The following RBFOX1 variants were observed in gnomAD, a reference collection of about 807,000 sequenced individuals.
The protein encoded by RBFOX1 is RNA binding protein fox-1 homolog 1.
In RBFOX1, 8 loss-of-function variants were observed where a neutral mutation model predicts 57.7. That is an observed-to-expected ratio of 0.14 (90% confidence interval 0.08 to 0.25). The LOEUF is 0.25. RBFOX1 is among the 10% of genes least tolerant of loss of function. The pLI, the probability that RBFOX1 is intolerant of heterozygous loss-of-function variation, is 1.00. For synonymous variants in RBFOX1, 326 were observed against 222.4 expected, an observed-to-expected ratio of 1.47 and a Z score of -4.15; for missense variants, 611 against 548.5, an observed-to-expected ratio of 1.11 and a Z score of -1.14.
intron 4 of RBFOX1, chr16:7,126,377 A>G (rs2068557099): frequency 8.2e-6 from 2 of 245,156 alleles, no homozygotes; most frequent in Non-Finnish European, 8.3e-6. Flanking sequence ...GGGGTTCACA[A>G]GATCAATTCC....
rs1435294756 is a variant in RBFOX1 at position 6,201,584 on chromosome 16, A to G, written c.-126-115411A>G. ...TGTAAAAATACAGTTGATAGAATGA[A>G]TGAGGTCTAATGTTTGGTGTCATAA... is the stretch of plus-strand genomic sequence containing the variant. On this transcript the variant is annotated intron_variant, in intron 1 of 15. Transcript: ENST00000550418. 2.0e-5 allele frequency among the ~76,000 whole-genome samples: 3 copies of G among 152,266 alleles called. 1 individual carries two copies. Among genetic ancestry groups the G allele is most frequent in the Middle Eastern group, 6.8e-3 (2 of 294 alleles).
At chr16:7,536,329 C>T (rs1279677981) in intron 5 of RBFOX1, among the ~76,000 whole-genome samples, 3 of 152,214 alleles carry the variant, frequency 2.0e-5, no homozygotes, top group East Asian at 1.9e-4. Flanking sequence ...CGCGGTGGCT[C>T]ATGCCTGTAT....
intron 3 of RBFOX1, among the ~76,000 whole-genome samples, chr16:6,700,716 G>A (rs550751743): frequency 1.3e-5 from 2 of 152,178 alleles, no homozygotes; most frequent in South Asian, 4.2e-4. Context: ...TCGTGAAACC[G>A]AGTCACCTGG....
chr16:6,631,123 C>G (rs1201617764), intron 2 of RBFOX1, among the ~76,000 whole-genome samples: 1 of 151,884 alleles, frequency 6.6e-6, no homozygotes, highest in Non-Finnish European at 1.5e-5. Flanking sequence ...GAATTACTAA[C>G]ATGAAAAGGC....
intron 3 of RBFOX1, among the ~76,000 whole-genome samples, chr16:6,747,346 G>C (rs2073918652): frequency 6.6e-6 from 1 of 152,074 alleles, no homozygotes; most frequent in Non-Finnish European, 1.5e-5. Context: ...GGTAGAGATT[G>C]TAGTGAGCCA....
At chr16:6,838,091 G>C (rs2093234127) in intron 3 of RBFOX1, among the ~76,000 whole-genome samples, 1 of 150,920 alleles carries the variant, frequency 6.6e-6, no homozygotes, top group South Asian at 2.1e-4. Flanking sequence ...TACATGTGTT[G>C]TGGTGGTTTG....
chr16:6,989,169 T>C (rs1052390972), intron 3 of RBFOX1, among the ~76,000 whole-genome samples: 1 of 152,224 alleles, frequency 6.6e-6, no homozygotes, highest in African/African-American at 2.4e-5. Context: ...GTGCTGGGAT[T>C]TCAGGCCTGA....
chr16:7,000,098 A>T lies in RBFOX1; in HGVS notation c.-15-51959A>T, dbSNP rs76810751. 2.4e-4 allele frequency among the ~76,000 whole-genome samples: 37 copies of T among 151,960 alleles called. No homozygotes were observed. In the East Asian group the frequency reaches 6.2e-3, roughly 25 times the overall value. Reference sequence around the variant, plus strand: ...GAAAAAAAAAAAAAAAGATTATTTAAGTAGGTGTCCAAACATCATATTATT... The same window carrying T: ...GAAAAAAAAAAAAAAAGATTATTTATGTAGGTGTCCAAACATCATATTATT... On this transcript the variant is annotated intron_variant, in intron 3 of 15. Transcript: ENST00000550418.
In RBFOX1 at chr16:7,597,428, A is replaced by T; in HGVS notation, c.619A>T (p.Asn207Tyr). ...TAAAAAGACCGTCAACCCTTATACA[A>T]ATGGTAAGTAGAGATTGGCCTTTTA... ...TNKKTVNPYT[N>Y]GWKLNPVVGA... The change falls in exon 9 of 16, where the codon AAT becomes TAT. Residue 207 changes from asparagine to tyrosine, a missense_variant. Physicochemically the swap from Asn to Tyr is moderately radical, Grantham distance 143 (BLOSUM62 -2). This residue lies in a region of RBFOX1 where 99 missense variants were observed against 160.3 expected (regional missense o/e 0.62). Coordinates refer to ENST00000550418, the MANE Select transcript of RBFOX1 (RefSeq NM_018723.4). The T allele has an allele frequency of 1.2e-6, 2 of 1,605,030 alleles. No individual in the cohort carries two copies.
intron 3 of RBFOX1, among the ~76,000 whole-genome samples, chr16:5,765,043 A>T (rs909434280): frequency 2.0e-5 from 3 of 152,200 alleles, no homozygotes; most frequent in Admixed American, 1.3e-4. Flanking sequence ...ATCAGGAAAC[A>T]CCATCAAATG....
intron 2 of RBFOX1, among the ~76,000 whole-genome samples, chr16:5,549,960 A>G (rs2045391903): frequency 6.6e-6 from 1 of 152,330 alleles, no homozygotes; most frequent in East Asian, 1.9e-4. Context: ...GTGTGCGCCC[A>G]TGTGCACAGA....
intron 1 of RBFOX1, among the ~76,000 whole-genome samples, chr16:6,248,113 A>G (rs2097579638): frequency 6.6e-6 from 1 of 152,176 alleles, no homozygotes; most frequent in Admixed American, 6.5e-5. Flanking sequence ...TTCCTTCCAT[A>G]ATAGGAGCCA....
At chr16:7,430,755 G>C (rs1400386948) in intron 4 of RBFOX1, among the ~76,000 whole-genome samples, 1 of 152,110 alleles carries the variant, frequency 6.6e-6, no homozygotes, top group African/African-American at 2.4e-5. Flanking sequence ...TCAGTGGCCA[G>C]GGTCCACACA....
At chr16:7,648,835 G>A (rs984659704) in intron 11 of RBFOX1, among the ~76,000 whole-genome samples, 1 of 152,030 alleles carries the variant, frequency 6.6e-6, no homozygotes, top group African/African-American at 2.4e-5. Context: ...ATGAATTGAG[G>A]GCTCTGACAA....
chr16:7,033,618 C>A (rs1224708474), intron 3 of RBFOX1, among the ~76,000 whole-genome samples: 1 of 152,162 alleles, frequency 6.6e-6, no homozygotes, highest in Non-Finnish European at 1.5e-5. Flanking sequence ...CACAGAATGG[C>A]TCCCTGTGGG....
chr16:7,362,567 G>T (rs552631757), intron 4 of RBFOX1, among the ~76,000 whole-genome samples: 1 of 151,528 alleles, frequency 6.6e-6, no homozygotes, highest in East Asian at 1.9e-4. Context: ...TGTTTTGTTT[G>T]CATGTTAGTG....
intron 4 of RBFOX1, among the ~76,000 whole-genome samples, chr16:7,073,240 T>G (rs1272174718): frequency 6.6e-6 from 1 of 152,184 alleles, no homozygotes; most frequent in African/African-American, 2.4e-5. Flanking sequence ...TAATAATATG[T>G]GACTGAGACT....
intron 2 of RBFOX1, among the ~76,000 whole-genome samples, chr16:6,365,496 C>A (rs13335397): frequency 0.056 from 8,443 of 152,084 alleles, 803 homozygotes; most frequent in African/African-American, 0.19. Context: ...GTATGGATAC[C>A]TTGGATACAT....
chr16:5,793,500 G>C (rs1319986424), intron 3 of RBFOX1, among the ~76,000 whole-genome samples: 1 of 152,240 alleles, frequency 6.6e-6, no homozygotes, highest in Non-Finnish European at 1.5e-5. Context: ...GCACTGGCCA[G>C]AGTCCTGAAT....
Sources: allele counts gnomAD v4.1 joint callset (sites outside exome capture counted in the v4.1 genomes callset), GRCh38; gene constraint gnomAD v4.1.1; regional missense constraint gnomAD v4.1.1; transcripts MANE v1.5; gene names NCBI Gene and HGNC (gene_info 2026-07-23, HGNC 2026-07-21).